Variants in FSTL4 observed in about 807,000 individuals in gnomAD.
FSTL4 encodes follistatin-related protein 4.
In FSTL4, 28 loss-of-function variants were observed where a neutral mutation model predicts 78.2. The observed-to-expected ratio is 0.36, with a 90% CI of 0.27 to 0.49. FSTL4 has a LOEUF of 0.49. Among genes scored for constraint, FSTL4 ranks in the 20% least tolerant of loss-of-function variants. FSTL4 has a pLI of 0.98. For synonymous variants in FSTL4, 422 were observed against 440.5 expected, an observed-to-expected ratio of 0.96 and a Z score of 0.53; for missense variants, 922 against 1,084.9, an observed-to-expected ratio of 0.85 and a Z score of 2.11.
intron 6 of FSTL4, among the ~76,000 whole-genome samples, chr5:133,251,249 G>C (rs1440825155): frequency 6.6e-6 from 1 of 152,084 alleles, no homozygotes; most frequent in African/African-American, 2.4e-5. Context: ...CGTACTCTGC[G>C]GGTCTGTAGG....
At position 133,603,945 on chromosome 5, in the gene FSTL4, G is replaced by A. The variant is rs764402867; in HGVS notation, c.39C>T (p.Leu13=). ...CCAGCGCAGCCGGCAGGGAGGCTCC[G>A]AGCAGTGTGAGATGCAGCCAAAAGC... ...PGGFWLHLTL[L]GASLPAALGW... Residue 13 remains leucine, a synonymous_variant, in exon 2 of 16, where the codon CTC becomes CTT. Transcript: ENST00000265342. 9 of 1,613,064 alleles carry A rather than the reference G, an allele frequency of 5.6e-6. No homozygotes were observed. The highest frequency in any genetic ancestry group is 1.3e-5 in the African/African-American group (1 of 74,902).
the FSTL4 span, among the ~76,000 whole-genome samples, chr5:133,724,278 T>G: frequency 3.3e-5 from 5 of 152,266 alleles, no homozygotes; most frequent in Admixed American, 2.0e-4. Flanking sequence ...TTTGCTTATC[T>G]TTTCCCTGCA....
intron 3 of FSTL4, among the ~76,000 whole-genome samples, chr5:133,431,904 G>C (rs972742530): frequency 1.3e-5 from 2 of 152,040 alleles, no homozygotes; most frequent in African/African-American, 4.8e-5. Context: ...AGTGATACTA[G>C]CATTTATTAA....
At chr5:133,391,057 A>T (rs700716) in intron 4 of FSTL4, among the ~76,000 whole-genome samples, 87,556 of 152,116 alleles carry the variant, frequency 0.58, 27,336 homozygotes, top group East Asian at 0.88. Context: ...AAAGAGCATG[A>T]AAGTCCTGTC....
At chr5:133,581,047 T>C (rs1484938507) in intron 2 of FSTL4, among the ~76,000 whole-genome samples, 1 of 152,210 alleles carries the variant, frequency 6.6e-6, no homozygotes, top group Admixed American at 6.5e-5. Flanking sequence ...CACAGGCTTT[T>C]TGTACAGGGA....
chr5:133,623,701 AAAGAC>A, the FSTL4 span, among the ~76,000 whole-genome samples: 1 of 152,180 alleles, frequency 6.6e-6, no homozygotes, highest in East Asian at 1.9e-4. Context: ...AAGAGAATAA[AAAGAC>A]AACCCACAGA....
chr5:133,233,287 AAG>A lies in FSTL4; in HGVS notation c.1015+128_1015+129del, dbSNP rs527485352. Reference sequence around the variant, plus strand: ...TTCCACACGGTTCCCCTTTACTTATAAGAGAGATGATATATTTTGGGGTTAGA... The same window carrying A: ...TTCCACACGGTTCCCCTTTACTTATAAGAGATGATATATTTTGGGGTTAGA... On this transcript the variant is annotated intron_variant, in intron 8 of 15. Coordinates refer to ENST00000265342, the MANE Select transcript of FSTL4 (RefSeq NM_015082.2). 1.9e-3 allele frequency: 1,984 copies of A among 1,033,738 alleles called. 21 individuals are homozygous for A. In the African/African-American group the frequency reaches 0.028, roughly 15 times the overall value. 64.0% of individuals were successfully genotyped at this position (1,033,738 alleles called of 1,614,324 possible).
At chr5:133,544,604 C>T (rs1759538763) in intron 3 of FSTL4, among the ~76,000 whole-genome samples, 2 of 152,064 alleles carry the variant, frequency 1.3e-5, no homozygotes, top group South Asian at 4.1e-4. Flanking sequence ...TTAATGGGTT[C>T]ACGGCCCAAA....
intron 3 of FSTL4, among the ~76,000 whole-genome samples, chr5:133,493,002 T>C (rs1445803291): frequency 6.6e-6 from 1 of 152,168 alleles, no homozygotes; most frequent in Non-Finnish European, 1.5e-5. Flanking sequence ...AATCATTTAT[T>C]GTATTATTAA....
the FSTL4 span, among the ~76,000 whole-genome samples, chr5:133,673,176 A>G: frequency 6.6e-6 from 1 of 152,266 alleles, no homozygotes; most frequent in Non-Finnish European, 1.5e-5. Flanking sequence ...ATAGAAAGGA[A>G]GGCAGGTTTG....
the FSTL4 span, among the ~76,000 whole-genome samples, chr5:133,834,723 AT>A: frequency 1.3e-5 from 2 of 152,216 alleles, no homozygotes; most frequent in African/African-American, 2.4e-5. Context: ...AACTAAAAAA[AT>A]ATAAATCTGT....
intron 3 of FSTL4, among the ~76,000 whole-genome samples, chr5:133,525,038 C>G (rs1759061599): frequency 6.6e-6 from 1 of 152,164 alleles, no homozygotes; most frequent in African/African-American, 2.4e-5. Flanking sequence ...CCTTTTTAAC[C>G]CTGTTACATG....
At chr5:133,530,761 C>A (rs78197334) in intron 3 of FSTL4, among the ~76,000 whole-genome samples, 6,686 of 152,282 alleles carry the variant, frequency 0.044, 207 homozygotes, top group Non-Finnish European at 0.069. Flanking sequence ...ATAAACAAGG[C>A]ACATTGACAG....
intron 4 of FSTL4, among the ~76,000 whole-genome samples, chr5:133,337,352 C>G (rs1754486705): frequency 6.8e-6 from 1 of 147,254 alleles, no homozygotes; most frequent in African/African-American, 2.5e-5. Context: ...CGGACTCTTG[C>G]CCACACTTTC....
intron 3 of FSTL4, among the ~76,000 whole-genome samples, chr5:133,442,733 C>T (rs1007344852): frequency 1.3e-5 from 2 of 152,198 alleles, no homozygotes; most frequent in Non-Finnish European, 2.9e-5. Flanking sequence ...GTCCTCCCTT[C>T]TCCTGAGTCA....
intron 2 of FSTL4, among the ~76,000 whole-genome samples, chr5:133,570,164 G>A (rs900759587): frequency 9.3e-5 from 14 of 151,054 alleles, no homozygotes; most frequent in Admixed American, 3.3e-4. Context: ...AGCCGAGATC[G>A]CGCCACTGCA....
chr5:133,291,548 G>A lies in FSTL4; in HGVS notation c.727+21106C>T, dbSNP rs145625055. 6.4e-4 allele frequency among the ~76,000 whole-genome samples: 98 copies of A among 152,336 alleles called. No homozygotes were observed. In the East Asian group the frequency reaches 0.014, roughly 21 times the overall value. On this transcript the variant is annotated intron_variant, in intron 6 of 15. Transcript: ENST00000265342. Reference sequence around the variant, plus strand: ...CATCCTGGCTCTCTACCAAGAAAGTGTAAGGGGCTGGCAGGGGAAAGGAGC... The same window carrying A: ...CATCCTGGCTCTCTACCAAGAAAGTATAAGGGGCTGGCAGGGGAAAGGAGC...
chr5:133,372,165 G>A (rs767352028), intron 4 of FSTL4, among the ~76,000 whole-genome samples: 21 of 152,262 alleles, frequency 1.4e-4, no homozygotes, highest in South Asian at 4.2e-4. Context: ...TGTTTCTCCC[G>A]CCAGGGAGAT....
the FSTL4 span, among the ~76,000 whole-genome samples, chr5:133,755,060 C>T: frequency 6.6e-6 from 1 of 152,156 alleles, no homozygotes; most frequent in East Asian, 1.9e-4. Context: ...CAGACCTCAC[C>T]CTTCCTCATA....
Sources: allele counts gnomAD v4.1 joint callset (sites outside exome capture counted in the v4.1 genomes callset), GRCh38; gene constraint gnomAD v4.1.1; transcripts MANE v1.5; gene names NCBI Gene and HGNC (gene_info 2026-07-23, HGNC 2026-07-21).